CCN4: variants seen among roughly 807,000 people sequenced by gnomAD.
The protein encoded by CCN4 is CCN family member 4.
Under a neutral mutation model 36.7 loss-of-function variants are expected in CCN4, and 30 were observed. The observed-to-expected ratio is 0.82, with a 90% CI of 0.61 to 1.11. The LOEUF is 1.11. Among genes scored for constraint, CCN4 ranks in the 50% least tolerant of loss-of-function variants. The pLI is 0.00. For missense variants in CCN4, 505 were observed against 504.9 expected (o/e 1.00, Z 0.00); for synonymous variants, 191 against 195.4 (o/e 0.98, Z 0.19).
intron 1 of CCN4, among the ~76,000 whole-genome samples, chr8:133,204,951 C>A (rs1346595884): frequency 6.6e-6 from 1 of 152,242 alleles, no homozygotes. Context: ...CCAGGCTCCT[C>A]CCAGGCCCCT....
chr8:133,216,707 G>A (rs1410728045), intron 2 of CCN4, among the ~76,000 whole-genome samples: 1 of 152,168 alleles, frequency 6.6e-6, no homozygotes, highest in Admixed American at 6.5e-5. Flanking sequence ...TTGGTGGAAG[G>A]ATTATGATAT....
At chr8:133,194,745 GTT>G (rs1564248565) in intron 1 of CCN4, among the ~76,000 whole-genome samples, 414 of 127,356 alleles carry the variant, frequency 3.3e-3, no homozygotes, top group Non-Finnish European at 3.8e-3. Flanking sequence ...TGTGTGGTGT[GTT>G]TGTGGGGTAT....
chr8:133,199,967 C>T (rs950463046), intron 1 of CCN4, among the ~76,000 whole-genome samples: 3 of 152,144 alleles, frequency 2.0e-5, no homozygotes, highest in African/African-American at 2.4e-5. Context: ...GAGAGTTTTA[C>T]GCACTTCCAT....
chr8:133,191,520 C>G (rs772348335), intron 1 of CCN4, among the ~76,000 whole-genome samples: 1 of 152,072 alleles, frequency 6.6e-6, no homozygotes, highest in Non-Finnish European at 1.5e-5. Flanking sequence ...GTCAGGGGCC[C>G]GGGCTCCAGA....
chr8:133,200,962 CT>C (rs1853567354), intron 1 of CCN4, among the ~76,000 whole-genome samples: 1 of 152,208 alleles, frequency 6.6e-6, no homozygotes. Flanking sequence ...TCAATTTCCA[CT>C]CATCCTTTAG....
At chr8:133,226,898 A>T (rs1414928070) in intron 4 of CCN4, among the ~76,000 whole-genome samples, 1 of 152,256 alleles carries the variant, frequency 6.6e-6, no homozygotes, top group Non-Finnish European at 1.5e-5. Flanking sequence ...AGTGGCCCAT[A>T]GCCCAGTGGA....
intron 1 of CCN4, among the ~76,000 whole-genome samples, chr8:133,199,667 A>G (rs1008353641): frequency 6.6e-6 from 1 of 152,094 alleles, no homozygotes; most frequent in Non-Finnish European, 1.5e-5. Context: ...CAGCCATGCT[A>G]TTTGTATTTA....
rs772203612 is a variant in CCN4, at chr8:133,220,836, C to G, written c.605C>G (p.Ala202Gly). 3 of 1,597,558 alleles carry G rather than the reference C, an allele frequency of 1.9e-6. No homozygotes were observed. Among genetic ancestry groups the G allele is most frequent in the Non-Finnish European group, 2.6e-6 (3 of 1,168,674 alleles). ...AAGACCGCACCCCGTGACACAGGAG[C>G]CTTCGGTGGGTGTGGGCCCGAGTGG... ...PRKTAPRDTG[A>G]FDAVGEVEAW... Residue 202 changes from alanine to glycine, a missense_variant, in exon 3 of 5, where the codon GCC becomes GGC. Ala to Gly is a moderately conservative substitution (Grantham distance 60, BLOSUM62 0). Coordinates refer to ENST00000250160, the MANE Select transcript of CCN4 (RefSeq NM_003882.4).
chr8:133,227,839 C>CT lies in CCN4; in HGVS notation c.*130dup, dbSNP rs1312629687. The stretch of plus-strand genomic sequence containing the variant: ...GGACCCTTGGCCTCCATTTCTGTCT[C>CT]TAACCATTCAAATGACGCCTGATGG... On this transcript the variant is annotated 3_prime_UTR_variant, in exon 5 of 5. Transcript: ENST00000250160. The CT allele has an allele frequency of 9.4e-7, 1 of 1,060,002 alleles. No individual in the cohort carries two copies. 65.7% of individuals were successfully genotyped at this position (1,060,002 alleles called of 1,614,324 possible).
Position 133,198,300 on chromosome 8 carries a change from A to G in CCN4, c.69+7087A>G, listed in dbSNP as rs191913783. ...TGCTTTGTCCCTCTTACAGTGTCCA[A>G]AAATATTCTCCTTTCAGCCCACGTC... On this transcript the variant is annotated intron_variant, in intron 1 of 4. Coordinates refer to ENST00000250160, the MANE Select transcript of CCN4 (RefSeq NM_003882.4). 1.5e-3 allele frequency among the ~76,000 whole-genome samples: 224 copies of G among 152,304 alleles called. 4 individuals carry two copies. Among genetic ancestry groups the G allele is most frequent in the Non-Finnish European group, 2.6e-4 (18 of 68,018 alleles).
chr8:133,193,719 G>A (rs912558054), intron 1 of CCN4, among the ~76,000 whole-genome samples: 3 of 152,158 alleles, frequency 2.0e-5, no homozygotes, highest in South Asian at 4.1e-4. Context: ...ACTGAGACTC[G>A]GAGAGGTTAA....
chr8:133,202,521 T>G (rs1264274283), intron 1 of CCN4, among the ~76,000 whole-genome samples: 1 of 152,206 alleles, frequency 6.6e-6, no homozygotes, highest in African/African-American at 2.4e-5. Flanking sequence ...ACCTGGCTTC[T>G]TGCCCCTTGT....
At position 133,220,602 on chromosome 8, in the gene CCN4, T is replaced by C; in HGVS notation, c.371T>C (p.Val124Ala). The change falls in exon 3 of 5, where the codon GTC (valine) becomes GCC (alanine). Residue 124 changes from valine (V) to alanine (A), a missense_variant. Val to Ala is a moderately conservative substitution (Grantham distance 64). Transcript: ENST00000250160. ...VCAQVVGVGC[V>A]LDGVRYNNGQ... ...GCAGAGGTGGTCGGTGTGGGCTGCG[T>C]CCTGGATGGGGTGCGCTACAACAAC... 1 of 1,614,000 alleles carries C rather than the reference T, an allele frequency of 6.2e-7. No homozygotes were observed. The highest frequency in any genetic ancestry group is 8.5e-7 in the Non-Finnish European group (1 of 1,179,904).
rs1373055627 is a variant in CCN4 at position 133,220,582 on chromosome 8, G to A, written c.351G>A (p.Gln117=). 2.5e-6 allele frequency: 4 copies of A among 1,611,498 alleles called. No homozygotes were observed. Among genetic ancestry groups the A allele is most frequent in the Non-Finnish European group, 1.7e-6 (2 of 1,177,840 alleles). Residue 117 remains glutamine, a splice_region_variant and synonymous_variant, in exon 3 of 5, where the codon CAG becomes CAA. Transcript: ENST00000250160. ...RPRYAIGVCA[Q]VVGVGCVLDG... ...CTGACCGGCCACCTGTGTTTGCAGA[G>A]GTGGTCGGTGTGGGCTGCGTCCTGG...
chr8:133,223,210 C>CG (rs1854597165), intron 3 of CCN4, among the ~76,000 whole-genome samples: 1 of 152,262 alleles, frequency 6.6e-6, no homozygotes, highest in African/African-American at 2.4e-5. Flanking sequence ...ACGAGGGTCA[C>CG]GGGGGGAGCA....
intron 1 of CCN4, among the ~76,000 whole-genome samples, chr8:133,210,386 GGT>G (rs71299053): frequency 0.2 from 28,524 of 145,398 alleles, 3,254 homozygotes; most frequent in East Asian, 0.51. Context: ...CAAAAAGAGG[GGT>G]GTGTGTGTGT....
intron 4 of CCN4, among the ~76,000 whole-genome samples, chr8:133,225,861 T>C (rs558552820): frequency 5.3e-5 from 8 of 152,274 alleles, no homozygotes; most frequent in African/African-American, 1.9e-4. Context: ...TCTATAATGA[T>C]TCTGAGGGAT....
chr8:133,194,354 TGGTGTGTGGG>T (rs1853236316), intron 1 of CCN4, among the ~76,000 whole-genome samples: 1 of 37,448 alleles, frequency 2.7e-5, no homozygotes, highest in Non-Finnish European at 5.0e-5. Context: ...GGGGGGGTGG[TGGTGTGTGGG>T]GGTGTGTGTG....
chr8:133,203,470 G>C (rs1016227414), intron 1 of CCN4, among the ~76,000 whole-genome samples: 4 of 152,186 alleles, frequency 2.6e-5, no homozygotes, highest in Non-Finnish European at 5.9e-5. Flanking sequence ...CCACCTTCCA[G>C]CTGCGAGATC....
Sources: gnomAD v4.1 joint callset for allele counts (sites outside exome capture counted in the v4.1 genomes callset) on GRCh38, gnomAD v4.1.1 for gene constraint, MANE v1.5 for transcripts, NCBI Gene and HGNC (gene_info 2026-07-23, HGNC 2026-07-21) for gene names.